Variants in COL4A5 observed in about 807,000 individuals in gnomAD.
COL4A5 encodes collagen type IV alpha 5 chain.
A neutral mutation model predicts 130.2 loss-of-function variants in COL4A5; 26 were observed. That is an observed-to-expected ratio of 0.20 (90% CI 0.15 to 0.28). COL4A5 has a LOEUF of 0.28. Ranked by LOEUF, COL4A5 falls within the 10% of genes least tolerant of loss-of-function variation. COL4A5 has a pLI of 1.00. For synonymous variants in COL4A5, 496 were observed against 439.6 expected (o/e 1.13, Z -1.60); for missense variants, 1,131 against 1,344.3 (o/e 0.84, Z 2.48).
intron 1 of COL4A5, among the ~76,000 whole-genome samples, chrX:108,524,731 T>C (rs2065296734): frequency 9.0e-6 from 1 of 111,689 alleles, no homozygotes; most frequent in African/African-American, 3.2e-5. Flanking sequence ...TAATAAACCT[T>C]GTCATTTGTT....
chrX:108,543,566 G>T (rs1185670207), intron 2 of COL4A5, among the ~76,000 whole-genome samples: 1 of 111,218 alleles, frequency 9.0e-6, no homozygotes, highest in Non-Finnish European at 1.9e-5. Flanking sequence ...TGTTCTTTTG[G>T]CTTAGGACTG....
intron 36 of COL4A5, among the ~76,000 whole-genome samples, chrX:108,654,361 AT>A (rs1258063759): frequency 8.9e-6 from 1 of 112,888 alleles, no homozygotes; most frequent in Non-Finnish European, 1.9e-5. Context: ...ATATGAAGCC[AT>A]TGTAGACATG....
intron 25 of COL4A5, 50 bp from the exon 26 acceptor site, chrX:108,601,343 T>G: frequency 1.2e-6 from 1 of 858,466 alleles, no homozygotes; most frequent in Non-Finnish European, 1.7e-6. Flanking sequence ...AAAGAGACCT[T>G]TAGTTGAGTA....
intron 28 of COL4A5, among the ~76,000 whole-genome samples, chrX:108,605,220 A>G (rs1441542543): frequency 8.9e-6 from 1 of 111,976 alleles, no homozygotes; most frequent in Non-Finnish European, 1.9e-5. Context: ...ACTAAGTTTA[A>G]TTATTTCCAG....
rs1347851973 is a variant in COL4A5 at position 108,497,219 on chromosome X, A to C, written c.82-42527A>C. On this transcript the variant is annotated intron_variant, in intron 1 of 52. Transcript: ENST00000328300. ...AGTATTAGATTCATTTTCATCACTG[A>C]ATCACATTACATTGTATGGATATAC... 2.7e-5 allele frequency among the ~76,000 whole-genome samples: 3 copies of C among 112,580 alleles called. No homozygotes were observed. The Admixed American group carries it at 2.8e-4, about 11-fold the overall frequency.
At chrX:108,653,315 A>AC (rs918502738) in intron 36 of COL4A5, among the ~76,000 whole-genome samples, 1 of 108,015 alleles carries the variant, frequency 9.3e-6, no homozygotes, top group Non-Finnish European at 1.9e-5. Context: ...ACATTCCAAG[A>AC]CCCCCCGTTG....
At chrX:108,582,332 C>T (rs185246808) in intron 16 of COL4A5, among the ~76,000 whole-genome samples, 3 of 111,183 alleles carry the variant, frequency 2.7e-5, no homozygotes, top group Admixed American at 1.9e-4. Flanking sequence ...ATTGGGGTTG[C>T]GGGGTGGGGA....
At chrX:108,590,064 A>G (rs2066406085) in intron 19 of COL4A5, among the ~76,000 whole-genome samples, 1 of 112,188 alleles carries the variant, frequency 8.9e-6, no homozygotes, top group Admixed American at 9.5e-5. Context: ...AAATAAATGC[A>G]AAGTAAAACC....
intron 4 of COL4A5, among the ~76,000 whole-genome samples, chrX:108,565,256 A>G (rs113339606): frequency 1.1e-3 from 128 of 111,427 alleles, no homozygotes; most frequent in African/African-American, 3.7e-3. Context: ...AATTCTTGAC[A>G]CGCAGAATTT....
At position 108,597,022 on chromosome X, in the gene COL4A5, A is replaced by G; in HGVS notation, c.1541A>G (p.Lys514Arg). 1 of 1,188,602 alleles carries G rather than the reference A, an allele frequency of 8.4e-7. No homozygotes were observed. The highest frequency in any genetic ancestry group is 1.1e-6 in the Non-Finnish European group (1 of 881,803). The stretch of plus-strand genomic sequence containing the variant: ...GGATCTCTTGGTTTCCCTGGACAGA[A>G]AGGGGAAAAAGGACAAGCTGGTGCA... The part of the protein sequence containing the change: ...PPGSLGFPGQ[K>R]GEKGQAGATG... Residue 514 changes from lysine to arginine, a missense_variant, in exon 23 of 53, where the codon AAA (lysine) becomes AGA (arginine). Physicochemically the swap from Lys to Arg is conservative, Grantham distance 26. Transcript: ENST00000328300.
chrX:108,666,529 C>T lies in COL4A5; in HGVS notation c.3488C>T (p.Pro1163Leu), dbSNP rs748129582. 1.1e-5 allele frequency: 13 copies of T among 1,207,190 alleles called. No individual in the cohort carries two copies. Among genetic ancestry groups the T allele is most frequent in the Non-Finnish European group, 1.1e-5 (10 of 893,744 alleles). ...GGGHPGQPGPPGEKGKPGQDG... is the reference protein window; with the variant it reads ...GGGHPGQPGPLGEKGKPGQDG... ...GGTCATCCTGGGCAACCAGGGCCTC[C>T]AGGCGAAAAAGGCAAACCCGGTCAA... The change falls in exon 39 of 53, where the codon CCA (proline) becomes CTA (leucine). Residue 1163 changes from proline to leucine, a missense_variant. Transcript: ENST00000328300.
At chrX:108,562,407 A>G (rs1220543594) in intron 3 of COL4A5, among the ~76,000 whole-genome samples, 1 of 112,129 alleles carries the variant, frequency 8.9e-6, no homozygotes, top group Non-Finnish European at 1.9e-5. Context: ...TGGTAGTTTT[A>G]ATAAAGATTT....
chrX:108,476,367 GT>G (rs1320238169), intron 1 of COL4A5, among the ~76,000 whole-genome samples: 2 of 110,384 alleles, frequency 1.8e-5, no homozygotes, highest in Non-Finnish European at 3.8e-5. Flanking sequence ...ATGACATCAT[GT>G]AAAATGGGGT....
intron 1 of COL4A5, chrX:108,440,533 C>CACAAT: frequency 3.9e-6 from 1 of 253,198 alleles, no homozygotes; most frequent in Admixed American, 6.3e-5. Flanking sequence ...TCCTCCCCTC[C>CACAAT]CTCCACCGTC....
intron 1 of COL4A5, among the ~76,000 whole-genome samples, chrX:108,526,604 CTTTCTTTCTTT>C (rs2065317776): frequency 6.9e-5 from 2 of 29,051 alleles, no homozygotes; most frequent in African/African-American, 2.3e-4. Context: ...TCCTTTCTTT[CTTTCTTTCTTT>C]CTTTCTTTCT....
At chrX:108,483,476 G>C (rs2064913439) in intron 1 of COL4A5, among the ~76,000 whole-genome samples, 1 of 111,184 alleles carries the variant, frequency 9.0e-6, no homozygotes, top group African/African-American at 3.3e-5. Flanking sequence ...TTCGCTGGCA[G>C]CTGATTAGAT....
intron 1 of COL4A5, among the ~76,000 whole-genome samples, chrX:108,484,048 C>T (rs1446930159): frequency 8.9e-6 from 1 of 111,733 alleles, no homozygotes; most frequent in Non-Finnish European, 1.9e-5. Flanking sequence ...GCAGTTATTT[C>T]TTTCAGTCTT....
At chrX:108,508,708 A>C (rs1419959099) in intron 1 of COL4A5, among the ~76,000 whole-genome samples, 1 of 111,293 alleles carries the variant, frequency 9.0e-6, no homozygotes, top group Non-Finnish European at 1.9e-5. Context: ...TACTGGTATA[A>C]AAAACAGGCA....
At chrX:108,576,076 A>C in intron 10 of COL4A5, 104 bp downstream of exon 10, 1 of 529,405 alleles carries the variant, frequency 1.9e-6, no homozygotes, top group East Asian at 3.8e-5. Flanking sequence ...CATTCTCAAC[A>C]TTCATAATTT....
Sources: gnomAD v4.1 joint callset for allele counts (sites outside exome capture counted in the v4.1 genomes callset) on GRCh38, gnomAD v4.1.1 for gene constraint, MANE v1.5 for transcripts, NCBI Gene and HGNC (gene_info 2026-07-23, HGNC 2026-07-21) for gene names.